The following CST8 variants were observed in gnomAD, a reference collection of about 807,000 sequenced individuals.
CST8 encodes cystatin 8, also known as cystatin-8.
CST8 carries 20 observed loss-of-function variants against 11.8 expected under a neutral mutation model. The ratio of observed to expected loss-of-function variants is 1.70; its 90% CI spans 1.20 to 2.47. The LOEUF is 2.47. Ranked by LOEUF, CST8 falls within the 30% of genes most tolerant of loss-of-function variation. The pLI, the probability that CST8 is intolerant of heterozygous loss-of-function variation, is 0.00. For synonymous variants in CST8, 77 were observed against 63.1 expected (o/e 1.22, Z -1.05); for missense variants, 196 against 167.2 (o/e 1.17, Z -0.95).
At chr20:23,493,402 C>A (rs6114151) in intron 3 of CST8, among the ~76,000 whole-genome samples, 1 of 152,164 alleles carries the variant, frequency 6.6e-6, no homozygotes, top group African/African-American at 2.4e-5. Context: ...GACAAGCCAC[C>A]CACTATTGCT....
At chr20:23,503,716 C>G in the CST8 span, among the ~76,000 whole-genome samples, 1 of 152,196 alleles carries the variant, frequency 6.6e-6, no homozygotes, top group African/African-American at 2.4e-5. Flanking sequence ...CTCCCACCCA[C>G]GGGACTGGAG....
At chr20:23,498,354 G>A (rs1988106184), downstream of CST8, among the ~76,000 whole-genome samples, 1 of 152,136 alleles carries the variant, frequency 6.6e-6, no homozygotes, top group Non-Finnish European at 1.5e-5. Flanking sequence ...TATGACTCAA[G>A]AGGCTAATTG....
chr20:23,496,577 G>A (rs1263696063), downstream of CST8, among the ~76,000 whole-genome samples: 1 of 152,190 alleles, frequency 6.6e-6, no homozygotes, highest in Non-Finnish European at 1.5e-5. Flanking sequence ...GGCACGCATT[G>A]TCATTGATAA....
At chr20:23,499,450 A>G (rs1253376055), downstream of CST8, among the ~76,000 whole-genome samples, 1 of 152,158 alleles carries the variant, frequency 6.6e-6, no homozygotes, top group Admixed American at 6.5e-5. Flanking sequence ...GACTCACTCT[A>G]CACCACCTTT....
downstream of CST8, among the ~76,000 whole-genome samples, chr20:23,499,952 GC>G (rs1040383740): frequency 6.6e-6 from 1 of 151,920 alleles, no homozygotes; most frequent in African/African-American, 2.4e-5. Flanking sequence ...TGCTTCTTGT[GC>G]AGGAGAGAGA....
chr20:23,499,475 G>A (rs1272903374), downstream of CST8, among the ~76,000 whole-genome samples: 4 of 152,184 alleles, frequency 2.6e-5, no homozygotes, highest in African/African-American at 9.7e-5. Context: ...GCCTTTTCCA[G>A]AAATGAGCCC....
At chr20:23,501,145 T>C in the CST8 span, among the ~76,000 whole-genome samples, 2 of 152,192 alleles carry the variant, frequency 1.3e-5, no homozygotes, top group African/African-American at 4.8e-5. Flanking sequence ...CCAGATGCTG[T>C]GGATTTTCTG....
downstream of CST8, among the ~76,000 whole-genome samples, chr20:23,497,003 G>A (rs1453100897): frequency 6.6e-6 from 1 of 152,134 alleles, no homozygotes; most frequent in Non-Finnish European, 1.5e-5. Flanking sequence ...GACAATTTGT[G>A]CAGTTAACGC....
chr20:23,495,911 T>C lies in CST8; in HGVS notation c.426T>C (p.Ala142=). 1.2e-6 allele frequency: 2 copies of C among 1,610,332 alleles called. No homozygotes were observed. Among genetic ancestry groups the C allele is most frequent in the Admixed American group, 3.3e-5 (2 of 59,750 alleles). ...TGATGGAGAAAAAGTGTGAAGATGC[T>C]TAATGGTGTTTTGAGGCATCCCTCC... ...FTVMEKKCED[A] is the part of the protein sequence containing the mutation. The change falls in exon 4 of 4, where the codon GCT becomes GCC. Residue 142 remains alanine, a synonymous_variant. Transcript: ENST00000246012.
intron 3 of CST8, among the ~76,000 whole-genome samples, 157 bp downstream of exon 3, chr20:23,493,228 C>T (rs1987945697): frequency 6.6e-6 from 1 of 152,118 alleles, no homozygotes; most frequent in Non-Finnish European, 1.5e-5. Context: ...GATCCAGGGC[C>T]ACGGAACGTG....
intron 3 of CST8, 144 bp from the exon 4 acceptor site, chr20:23,495,687 A>C: frequency 3.1e-6 from 2 of 646,362 alleles, no homozygotes; most frequent in Non-Finnish European, 5.4e-6. Flanking sequence ...AGCTCTGCAG[A>C]TTCCTGGGAG....
chr20:23,505,259 C>T, the CST8 span, among the ~76,000 whole-genome samples: 1 of 150,530 alleles, frequency 6.6e-6, no homozygotes. Flanking sequence ...ATTTTCCTGC[C>T]TCAGCCTCCC....
At chr20:23,493,638 C>T (rs1253132552) in intron 3 of CST8, among the ~76,000 whole-genome samples, 1 of 152,166 alleles carries the variant, frequency 6.6e-6, no homozygotes, top group Non-Finnish European at 1.5e-5. Context: ...TTGGGGCAAA[C>T]CCACAGACTC....
chr20:23,493,034 A>T lies in CST8; in HGVS notation c.308A>T (p.Glu103Val). 3 of 1,612,916 alleles carry T rather than the reference A, an allele frequency of 1.9e-6. No homozygotes were observed. The South Asian group carries it at 3.3e-5, about 18-fold the overall frequency. Residue 103 changes from glutamate (E) to valine (V), a missense_variant, in exon 3 of 4, where the codon GAA (glutamate) becomes GTA (valine). Transcript: ENST00000246012. The part of the protein sequence containing the change: ...SDCRKPLSTN[E>V]ICAIQENSKL... ...TGCAGAAAGCCTTTAAGCACTAATG[A>T]AATCTGCGCCATTCAAGAAAACTCC... is the stretch of plus-strand genomic sequence containing the variant.
chr20:23,494,960 T>C lies in CST8; in HGVS notation c.346-871T>C, dbSNP rs79255610. 1.4e-3 allele frequency among the ~76,000 whole-genome samples: 212 copies of C among 152,236 alleles called. 4 individuals carry two copies. In the East Asian group the frequency reaches 0.036, roughly 26 times the overall value. On this transcript the variant is annotated intron_variant, in intron 3 of 3. Coordinates refer to ENST00000246012, the MANE Select transcript of CST8 (RefSeq NM_005492.4). ...TGGTATTTTTTTCTGATCCTCTCTC[T>C]CCCCCGCCCTCCATTCTCCAGGAGG...
At chr20:23,505,847 G>T in the CST8 span, among the ~76,000 whole-genome samples, 93 of 152,262 alleles carry the variant, frequency 6.1e-4, 1 homozygote, top group African/African-American at 2.1e-3. Flanking sequence ...GGTGGTTTGT[G>T]TGCACATTAA....
chr20:23,497,748 T>C (rs1320477306), downstream of CST8, among the ~76,000 whole-genome samples: 1 of 152,196 alleles, frequency 6.6e-6, no homozygotes, highest in Non-Finnish European at 1.5e-5. Flanking sequence ...CCATCAGATC[T>C]TGTGAGACTT....
At chr20:23,499,018 T>C (rs1341679325), downstream of CST8, among the ~76,000 whole-genome samples, 1 of 152,154 alleles carries the variant, frequency 6.6e-6, no homozygotes, top group East Asian at 1.9e-4. Flanking sequence ...AAAGACAGCA[T>C]TTTTGGAACA....
the CST8 span, among the ~76,000 whole-genome samples, chr20:23,504,569 G>A: frequency 2.0e-5 from 3 of 152,026 alleles, no homozygotes; most frequent in Non-Finnish European, 4.4e-5. Flanking sequence ...AAAGTAACAG[G>A]CTAAAGTAAC....
Sources: allele counts gnomAD v4.1 joint callset (sites outside exome capture counted in the v4.1 genomes callset), GRCh38; gene constraint gnomAD v4.1.1; transcripts MANE v1.5; gene names NCBI Gene and HGNC (gene_info 2026-07-23, HGNC 2026-07-21).